The following PCDHA1 variants were observed in gnomAD, a reference collection of about 807,000 sequenced individuals.
PCDHA1 encodes protocadherin alpha-1.
PCDHA1 carries 42 observed loss-of-function variants against 61.3 expected under a neutral mutation model. The observed-to-expected ratio is 0.69, with a 90% CI of 0.54 to 0.89. The LOEUF (loss-of-function observed/expected upper bound fraction) is 0.89. Ranked by LOEUF, PCDHA1 falls within the 40% of genes least tolerant of loss-of-function variation. The pLI, the probability that PCDHA1 is intolerant of heterozygous loss-of-function variation, is 0.00. For missense variants in PCDHA1, 1,256 were observed against 1,235.3 expected, an observed-to-expected ratio of 1.02 and a Z score of -0.25; for synonymous variants, 610 against 553.8, an observed-to-expected ratio of 1.10 and a Z score of -1.43.
At chr5:140,994,811 A>G (rs1283053490) in intron 3 of PCDHA1, among the ~76,000 whole-genome samples, 1 of 152,194 alleles carries the variant, frequency 6.6e-6, no homozygotes, top group Non-Finnish European at 1.5e-5. Context: ...ACAAAATACA[A>G]AAAACTGAAT....
intron 1 of PCDHA1, chr5:140,796,553 T>G (rs1228967368): frequency 8.1e-6 from 13 of 1,612,994 alleles, no homozygotes; most frequent in African/African-American, 1.3e-5. Context: ...GAAGTGGAGC[T>G]GCTGCAGTTC....
chr5:140,965,236 A>G (rs1374558346), intron 1 of PCDHA1, among the ~76,000 whole-genome samples: 1 of 152,222 alleles, frequency 6.6e-6, no homozygotes, highest in African/African-American at 2.4e-5. Flanking sequence ...GAACCTGGGA[A>G]GAGTGAATAT....
chr5:140,842,046 T>C (rs1554138752), intron 1 of PCDHA1: 1 of 1,613,856 alleles, frequency 6.2e-7, no homozygotes, highest in African/African-American at 1.3e-5. Flanking sequence ...GCTCCCACTT[T>C]CGAACAGTCT....
At chr5:140,877,761 C>T (rs2057326734) in intron 1 of PCDHA1, 4 of 1,614,180 alleles carry the variant, frequency 2.5e-6, no homozygotes, top group Non-Finnish European at 8.5e-7. Flanking sequence ...CTGCAGAGAG[C>T]CCGCCCAAGA....
rs782444703 is a variant in PCDHA1 at position 140,856,052 on chromosome 5, G to T, written c.2394+67368G>T. 12 of 1,585,178 alleles carry T rather than the reference G, an allele frequency of 7.6e-6. No individual in the cohort carries two copies. In the East Asian group the frequency reaches 2.5e-4, roughly 32 times the overall value. On this transcript the variant is annotated intron_variant, in intron 1 of 3. Transcript: ENST00000504120. The stretch of plus-strand genomic sequence containing the variant: ...TGTAAAACAAGAGAAGGATAAGATG[G>T]TTTCCAGATGTAGCTGCCTGGGGGT...
intron 1 of PCDHA1, among the ~76,000 whole-genome samples, chr5:140,948,708 C>A (rs1376587735): frequency 6.6e-6 from 1 of 151,114 alleles, no homozygotes; most frequent in Non-Finnish European, 1.5e-5. Flanking sequence ...TGTGTTCTAT[C>A]CTCTTTTTTA....
chr5:140,823,140 G>C (rs373077783), intron 1 of PCDHA1: 64 of 1,614,000 alleles, frequency 4.0e-5, no homozygotes, highest in Non-Finnish European at 5.3e-5. Context: ...CGGCGTTCGC[G>C]CAGCCCCAGT....
chr5:140,918,989 GTGT>G (rs2078966617), intron 1 of PCDHA1, among the ~76,000 whole-genome samples: 1 of 152,178 alleles, frequency 6.6e-6, no homozygotes, highest in Non-Finnish European at 1.5e-5. Context: ...TTGGTTTTTA[GTGT>G]TGTTCACATC....
chr5:140,953,522 G>A (rs246031), intron 1 of PCDHA1, among the ~76,000 whole-genome samples: 85,599 of 151,862 alleles, frequency 0.56, 24,738 homozygotes, highest in African/African-American at 0.69. Flanking sequence ...CAACAAAAAC[G>A]GGAAACTCAC....
At chr5:140,986,532 C>G (rs1298199477) in intron 3 of PCDHA1, among the ~76,000 whole-genome samples, 2 of 152,184 alleles carry the variant, frequency 1.3e-5, no homozygotes, top group Non-Finnish European at 2.9e-5. Context: ...GGGAACTGGC[C>G]TGGCTTCAGT....
intron 1 of PCDHA1, among the ~76,000 whole-genome samples, chr5:140,949,802 A>G (rs974562597): frequency 1.3e-5 from 2 of 151,818 alleles, no homozygotes; most frequent in Admixed American, 6.6e-5. Flanking sequence ...CCTTCAATAC[A>G]TTATTTGCTT....
chr5:140,879,101 A>G (rs2153365508), intron 1 of PCDHA1, among the ~76,000 whole-genome samples: 1 of 152,330 alleles, frequency 6.6e-6, no homozygotes, highest in East Asian at 1.9e-4. Context: ...TGCACAGTAT[A>G]TGGTGTAATT....
chr5:140,991,875 G>A (rs2097477734), intron 3 of PCDHA1, among the ~76,000 whole-genome samples: 1 of 152,092 alleles, frequency 6.6e-6, no homozygotes, highest in South Asian at 2.1e-4. Context: ...AGTTTCCTAG[G>A]GCTGCCATAA....
chr5:140,910,652 T>C (rs2075120001), intron 1 of PCDHA1, among the ~76,000 whole-genome samples: 1 of 152,204 alleles, frequency 6.6e-6, no homozygotes, highest in Non-Finnish European at 1.5e-5. Flanking sequence ...TTTTGATCCC[T>C]TCCTCTACAT....
intron 1 of PCDHA1, among the ~76,000 whole-genome samples, chr5:140,820,724 C>G (rs926082554): frequency 6.6e-6 from 1 of 151,900 alleles, no homozygotes; most frequent in Admixed American, 6.6e-5. Context: ...TTACTGGAAC[C>G]TAAACATTTT....
intron 1 of PCDHA1, chr5:140,858,022 G>A (rs1554151044): frequency 1.3e-6 from 2 of 1,597,054 alleles, no homozygotes; most frequent in Non-Finnish European, 8.6e-7. Flanking sequence ...AGCCGTCGCT[G>A]ACGGCCACGG....
chr5:140,812,651 G>A (rs1235837945), intron 1 of PCDHA1: 1 of 152,044 alleles, frequency 6.6e-6, no homozygotes, highest in Non-Finnish European at 1.5e-5. Context: ...TAAGAGACAA[G>A]ATCTCACTAT....
rs782208845 is a variant in PCDHA1 at position 140,857,288 on chromosome 5, C to G, written c.2394+68604C>G. ...ATTGGTGCTGGACAGCGCTCTGGAC[C>G]GCGAGAGGGTGTCGGCCTATGAGCT... On this transcript the variant is annotated intron_variant, in intron 1 of 3. Transcript: ENST00000504120. 42 of 1,598,652 alleles carry G rather than the reference C, an allele frequency of 2.6e-5. 1 individual carries two copies. The highest frequency in any genetic ancestry group is 3.3e-5 in the Non-Finnish European group (39 of 1,168,028).
intron 1 of PCDHA1, chr5:140,967,136 C>T (rs782698899): frequency 6.8e-6 from 11 of 1,611,568 alleles, no homozygotes; most frequent in Non-Finnish European, 9.3e-6. Context: ...CTTGGAAGTG[C>T]TGGCGCACAA....
Sources: gnomAD v4.1 joint callset for allele counts (sites outside exome capture counted in the v4.1 genomes callset) on GRCh38, gnomAD v4.1.1 for gene constraint, MANE v1.5 for transcripts, NCBI Gene and HGNC (gene_info 2026-07-23, HGNC 2026-07-21) for gene names.